The following TAOK1 variants were observed in gnomAD, a reference collection of about 807,000 sequenced individuals.
TAOK1 encodes the protein TAO kinase 1.
Under a neutral mutation model 138.3 loss-of-function variants are expected in TAOK1, and 21 were observed. That is an observed-to-expected ratio of 0.15 (90% CI 0.11 to 0.22). The LOEUF (loss-of-function observed/expected upper bound fraction) is 0.22. Among genes scored for constraint, TAOK1 ranks in the 10% least tolerant of loss-of-function variants. TAOK1 has a pLI of 1.00. For missense variants in TAOK1, 651 were observed against 1,227.7 expected, an observed-to-expected ratio of 0.53 and a Z score of 7.02; for synonymous variants, 361 against 398.4, an observed-to-expected ratio of 0.91 and a Z score of 1.12.
intron 2 of TAOK1, among the ~76,000 whole-genome samples, chr17:29,455,829 C>T (rs986766838): frequency 5.3e-5 from 8 of 149,930 alleles, no homozygotes; most frequent in East Asian, 1.9e-4. Flanking sequence ...AACTTCATCA[C>T]GGTTTGTAAT....
intron 19 of TAOK1, among the ~76,000 whole-genome samples, chr17:29,541,377 T>C (rs1339061753): frequency 6.6e-6 from 1 of 150,736 alleles, no homozygotes; most frequent in Non-Finnish European, 1.5e-5. Context: ...CCCAAAGTGC[T>C]GAGATTATGG....
intron 1 of TAOK1, among the ~76,000 whole-genome samples, chr17:29,401,759 A>G (rs1025466952): frequency 5.9e-5 from 9 of 151,900 alleles, no homozygotes; most frequent in Non-Finnish European, 1.2e-4. Flanking sequence ...GGCTCAAGCA[A>G]TCCTCCCACC....
rs2032355404 is a variant in TAOK1 at position 29,543,604 on chromosome 17, C to T, written c.*582C>T. ...CCTCATTTGGACTAAAAAAAGAAAG[C>T]AGAAATCCATGAACACATTGCTTCT... On this transcript the variant is annotated 3_prime_UTR_variant, in exon 20 of 20. Transcript: ENST00000261716. 1 of 152,574 alleles carries T rather than the reference C, an allele frequency of 6.6e-6. No homozygotes were observed. The highest frequency in any genetic ancestry group is 1.5e-5 in the Non-Finnish European group (1 of 68,028). 9.5% of individuals were successfully genotyped at this position (152,574 alleles called of 1,614,324 possible).
chr17:29,464,232 G>A (rs534362071), intron 2 of TAOK1, among the ~76,000 whole-genome samples: 12 of 151,338 alleles, frequency 7.9e-5, no homozygotes, highest in Non-Finnish European at 1.3e-4. Flanking sequence ...TCAGGAGATC[G>A]AGACCATCCT....
chr17:29,477,533 G>C (rs2030972757), intron 4 of TAOK1, 128 bp from the exon 5 acceptor site: 6 of 338,614 alleles, frequency 1.8e-5, no homozygotes, highest in Non-Finnish European at 3.0e-5. Flanking sequence ...ATTTTTTTAA[G>C]GTAAATGGTG....
chr17:29,453,953 C>T (rs916995894), intron 2 of TAOK1, among the ~76,000 whole-genome samples: 3 of 150,452 alleles, frequency 2.0e-5, no homozygotes, highest in Non-Finnish European at 3.0e-5. Flanking sequence ...GGACCACAAG[C>T]GTGCACCACC....
intron 1 of TAOK1, among the ~76,000 whole-genome samples, chr17:29,440,734 C>T (rs2153023415): frequency 6.6e-6 from 1 of 152,246 alleles, no homozygotes; most frequent in South Asian, 2.1e-4. Context: ...TGCCACCTCA[C>T]CCTGCTAATT....
chr17:29,447,414 T>C (rs971220521), intron 1 of TAOK1, among the ~76,000 whole-genome samples: 2 of 152,026 alleles, frequency 1.3e-5, no homozygotes, highest in Non-Finnish European at 2.9e-5. Context: ...CACTGCAGCC[T>C]TCACCTCCCG....
intron 18 of TAOK1, among the ~76,000 whole-genome samples, chr17:29,532,932 G>T (rs901594386): frequency 9.0e-5 from 13 of 144,846 alleles, no homozygotes; most frequent in African/African-American, 2.3e-4. Flanking sequence ...CTGGCCGGGT[G>T]GGGGGCTGAC....
At chr17:29,523,431 A>G (rs2031955927) in intron 17 of TAOK1, among the ~76,000 whole-genome samples, 1 of 152,190 alleles carries the variant, frequency 6.6e-6, no homozygotes, top group Admixed American at 6.6e-5. Context: ...TCTTTCGCCC[A>G]GGCTGGAGTG....
At chr17:29,529,143 A>T (rs1417925099) in intron 17 of TAOK1, among the ~76,000 whole-genome samples, 1 of 152,036 alleles carries the variant, frequency 6.6e-6, no homozygotes, top group African/African-American at 2.4e-5. Context: ...GGCTAATTTT[A>T]AAAATTGCTT....
intron 8 of TAOK1, among the ~76,000 whole-genome samples, chr17:29,486,885 T>C (rs1299601000): frequency 6.6e-6 from 1 of 152,194 alleles, no homozygotes; most frequent in Non-Finnish European, 1.5e-5. Flanking sequence ...GGAGGGCATC[T>C]GTTTAAGCAG....
At chr17:29,489,841 C>A in intron 9 of TAOK1, 84 bp downstream of exon 9, 2 of 975,990 alleles carry the variant, frequency 2.0e-6, no homozygotes, top group East Asian at 2.7e-5. Context: ...GATTTAATTT[C>A]AGTTAGGTAA....
chr17:29,392,017 C>G (rs916981930), intron 1 of TAOK1, among the ~76,000 whole-genome samples: 9 of 152,256 alleles, frequency 5.9e-5, no homozygotes, highest in Admixed American at 4.6e-4. Context: ...GAGATCGAGA[C>G]CATCCTGGCT....
intron 1 of TAOK1, among the ~76,000 whole-genome samples, chr17:29,415,468 T>C (rs1418138323): frequency 1.3e-5 from 2 of 152,164 alleles, no homozygotes; most frequent in Non-Finnish European, 2.9e-5. Context: ...ACCAAAAATA[T>C]ATGAAGGTTC....
chr17:29,404,766 G>T (rs1290054447), intron 1 of TAOK1, among the ~76,000 whole-genome samples: 1 of 152,022 alleles, frequency 6.6e-6, no homozygotes, highest in Non-Finnish European at 1.5e-5. Context: ...TTCCAGCTTG[G>T]GCAACAGTGA....
intron 1 of TAOK1, among the ~76,000 whole-genome samples, chr17:29,425,288 G>A (rs559920091): frequency 1.4e-4 from 21 of 152,150 alleles, no homozygotes; most frequent in Non-Finnish European, 2.9e-4. Flanking sequence ...GGCCAGGCTG[G>A]TCTCAAACTC....
At chr17:29,537,208 C>A (rs777630097) in intron 19 of TAOK1, among the ~76,000 whole-genome samples, 4 of 152,160 alleles carry the variant, frequency 2.6e-5, no homozygotes, top group Non-Finnish European at 5.9e-5. Context: ...TATTTAATAT[C>A]CTAACCAAAA....
chr17:29,430,456 G>A (rs1022548612), intron 1 of TAOK1, among the ~76,000 whole-genome samples: 4 of 152,106 alleles, frequency 2.6e-5, no homozygotes, highest in African/African-American at 9.7e-5. Flanking sequence ...TTGTAACTTC[G>A]CATCTGCAAA....
Sources: allele counts gnomAD v4.1 joint callset (sites outside exome capture counted in the v4.1 genomes callset), GRCh38; gene constraint gnomAD v4.1.1; transcripts MANE v1.5; gene names NCBI Gene and HGNC (gene_info 2026-07-23, HGNC 2026-07-21).